Variants in ZFC3H1 observed in about 807,000 individuals in gnomAD.
ZFC3H1 encodes the protein zinc finger C3H1-type containing.
ZFC3H1 carries 71 observed loss-of-function variants against 243.7 expected under a neutral mutation model. That is an observed-to-expected ratio of 0.29 (90% CI 0.24 to 0.36). The LOEUF (loss-of-function observed/expected upper bound fraction) is 0.36, where lower values mean the gene tolerates loss of function less well. ZFC3H1 is among the 10% of genes least tolerant of loss of function. ZFC3H1 has a pLI of 1.00. For synonymous variants in ZFC3H1, 838 were observed against 813.0 expected, an observed-to-expected ratio of 1.03 and a Z score of -0.52; for missense variants, 1,966 against 2,317.1, an observed-to-expected ratio of 0.85 and a Z score of 3.11.
chr12:71,612,642 A>T (rs1317829714), intron 31 of ZFC3H1, among the ~76,000 whole-genome samples: 1 of 152,180 alleles, frequency 6.6e-6, no homozygotes, highest in Non-Finnish European at 1.5e-5. Context: ...AACATAAGGG[A>T]ACATTTCATA....
At position 71,625,648 on chromosome 12, in the gene ZFC3H1, C is replaced by G. The variant is rs146908244; in HGVS notation, c.4317+612G>C. Among the ~76,000 whole-genome samples, 51 of 152,308 alleles carry G rather than the reference C, an allele frequency of 3.3e-4. 1 individual carries two copies. The East Asian group carries it at 7.5e-3, about 22-fold the overall frequency. On this transcript the variant is annotated intron_variant, in intron 22 of 34. Transcript: ENST00000378743. ...GAGGCTGCAGTGAGTCACGACTGCA[C>G]TACTGCACTCCAGCCTGGGTGACAT...
chr12:71,643,570 A>T (rs1326518414), intron 5 of ZFC3H1, among the ~76,000 whole-genome samples: 1 of 151,872 alleles, frequency 6.6e-6, no homozygotes, highest in Non-Finnish European at 1.5e-5. Context: ...TTTTGGGTGG[A>T]GAGGGTAAAA....
chr12:71,657,887 G>A (rs920418730), intron 1 of ZFC3H1, among the ~76,000 whole-genome samples: 1 of 151,894 alleles, frequency 6.6e-6, no homozygotes, highest in East Asian at 1.9e-4. Flanking sequence ...TACTTGAGAC[G>A]CTGAGGCAAG....
At position 71,633,315 on chromosome 12, in the gene ZFC3H1, A is replaced by C; in HGVS notation, c.2634T>G (p.Thr878=). 1 of 1,593,630 alleles carries C rather than the reference A, an allele frequency of 6.3e-7. No homozygotes were observed. The highest frequency in any genetic ancestry group is 8.5e-7 in the Non-Finnish European group (1 of 1,173,272). Residue 878 remains threonine, a synonymous_variant, in exon 13 of 35, where the codon ACT becomes ACG. Transcript: ENST00000378743. The stretch of plus-strand genomic sequence containing the variant: ...TTCTGTTAACATTAAGAATTTTTTC[A>C]GTTGCTTGAAGCTGTTCTGTAAGTT... ...ITKLTEQLQA[T]EKILNVNRMF...
intron 6 of ZFC3H1, among the ~76,000 whole-genome samples, chr12:71,641,495 T>C (rs1880601984): frequency 6.6e-6 from 1 of 152,226 alleles, no homozygotes; most frequent in Admixed American, 6.5e-5. Flanking sequence ...TGCGTTCTGT[T>C]ATCTGCCTCA....
At chr12:71,628,332 A>G (rs1472260688) in intron 20 of ZFC3H1, among the ~76,000 whole-genome samples, 2 of 152,242 alleles carry the variant, frequency 1.3e-5, no homozygotes, top group Admixed American at 6.5e-5. Context: ...ATTCTACTAT[A>G]TCTAAACTAG....
rs773693473 is a variant in ZFC3H1, at chr12:71,622,565, C to T, written c.4744+795G>A. ...GTAACCTTCGCCTCCTGGGCTCAAG[C>T]GATTCTCATGCCTCAGCCTCCCGAG... On this transcript the variant is annotated intron_variant, in intron 24 of 34. Coordinates refer to ENST00000378743, the MANE Select transcript of ZFC3H1 (RefSeq NM_144982.5). 3.9e-5 allele frequency among the ~76,000 whole-genome samples: 6 copies of T among 152,158 alleles called. No individual in the cohort carries two copies. The East Asian group carries it at 5.8e-4, about 15-fold the overall frequency.
rs766416601 is a variant in ZFC3H1 at position 71,627,871 on chromosome 12, A to C, written c.4010T>G (p.Val1337Gly). The change falls in exon 21 of 35, where the codon GTC becomes GGC. Residue 1337 changes from valine (V) to glycine (G), a missense_variant. Val to Gly is a moderately radical substitution (Grantham distance 109). Transcript: ENST00000378743. ...ATCAGTCTCATTTGTAAAGTATCTG[A>C]CATCATCTGGAGTGACAACTGTATC... ...ALDTVVTPDD[V>G]RYFTNETDDI... 6.2e-7 allele frequency: 1 copy of C among 1,613,870 alleles called. No individual in the cohort carries two copies. Among genetic ancestry groups the C allele is most frequent in the Non-Finnish European group, 8.5e-7 (1 of 1,179,904 alleles).
At chr12:71,654,156 A>G (rs928495047) in intron 2 of ZFC3H1, among the ~76,000 whole-genome samples, 1 of 152,238 alleles carries the variant, frequency 6.6e-6, no homozygotes, top group African/African-American at 2.4e-5. Flanking sequence ...AATGTATTTA[A>G]GCACAGAGCA....
rs1881236328 is a variant in ZFC3H1 at position 71,663,237 on chromosome 12, G to C, written c.374C>G (p.Ser125Cys). 6.2e-7 allele frequency: 1 copy of C among 1,613,944 alleles called. No individual in the cohort carries two copies. The highest frequency in any genetic ancestry group is 8.5e-7 in the Non-Finnish European group (1 of 1,180,042). Residue 125 changes from serine (S) to cysteine (C), a missense_variant, in exon 1 of 35, where the codon TCC becomes TGC. Physicochemically the swap from Ser to Cys is moderately radical, Grantham distance 112. Around this residue, in one of 4 missense-constraint regions of ZFC3H1, gnomAD observed 484 missense variants for 449.7 expected, o/e 1.08. Coordinates refer to ENST00000378743, the MANE Select transcript of ZFC3H1 (RefSeq NM_144982.5). ...PSVRMPSSSL[S>C]ESSPRPSFWE... The stretch of plus-strand genomic sequence containing the variant: ...GAAAGACGGCCGGGGACTGCTTTCG[G>C]ACAGTGAGCTCGAAGGCATCCGTAC...
chr12:71,641,416 T>C (rs1004435478), intron 6 of ZFC3H1, among the ~76,000 whole-genome samples: 4 of 152,240 alleles, frequency 2.6e-5, no homozygotes, highest in Non-Finnish European at 4.4e-5. Context: ...TTGGTCTCAC[T>C]ATGTGACTAT....
intron 22 of ZFC3H1, among the ~76,000 whole-genome samples, chr12:71,625,990 AT>A (rs1880155342): frequency 6.6e-6 from 1 of 152,126 alleles, no homozygotes; most frequent in South Asian, 2.1e-4. Flanking sequence ...TAAGTGTGAA[AT>A]TTTTAACAAT....
At chr12:71,635,785 A>C (rs545881453) in intron 9 of ZFC3H1, among the ~76,000 whole-genome samples, 2 of 152,308 alleles carry the variant, frequency 1.3e-5, no homozygotes, top group South Asian at 4.1e-4. Flanking sequence ...TTTCTATTCT[A>C]TAATTACTCT....
intron 2 of ZFC3H1, among the ~76,000 whole-genome samples, chr12:71,655,923 T>C (rs1881005930): frequency 6.6e-6 from 1 of 152,056 alleles, no homozygotes; most frequent in Admixed American, 6.5e-5. Flanking sequence ...CAAACATAAT[T>C]GGGAAATGGA....
At chr12:71,619,263 C>G in intron 27 of ZFC3H1, 52 bp downstream of exon 27, 1 of 1,517,450 alleles carries the variant, frequency 6.6e-7, no homozygotes, top group Non-Finnish European at 9.0e-7. Context: ...AATCTTTCTA[C>G]TGAACTGTGC....
intron 27 of ZFC3H1, among the ~76,000 whole-genome samples, chr12:71,618,620 A>G (rs904582618): frequency 6.6e-6 from 1 of 151,736 alleles, no homozygotes; most frequent in African/African-American, 2.4e-5. Context: ...GTGGTAATAG[A>G]CTACATGGCC....
At chr12:71,641,913 G>A (rs1880611069) in intron 6 of ZFC3H1, among the ~76,000 whole-genome samples, 3 of 152,082 alleles carry the variant, frequency 2.0e-5, no homozygotes. Flanking sequence ...GCAGTGGTAC[G>A]ACGTCAGCTC....
chr12:71,628,314 T>C (rs1349465648), intron 20 of ZFC3H1, among the ~76,000 whole-genome samples: 1 of 152,250 alleles, frequency 6.6e-6, no homozygotes, highest in Admixed American at 6.5e-5. Flanking sequence ...TCATAATTTA[T>C]AAAGATTATT....
At chr12:71,629,189 C>G (rs1880250203) in intron 19 of ZFC3H1, 152 bp from the exon 20 acceptor site, 1 of 705,476 alleles carries the variant, frequency 1.4e-6, no homozygotes. Flanking sequence ...GGAAGTCTCA[C>G]TCTGTCACCC....
Sources: allele counts gnomAD v4.1 joint callset (sites outside exome capture counted in the v4.1 genomes callset), GRCh38; gene constraint gnomAD v4.1.1; regional missense constraint gnomAD v4.1.1; transcripts MANE v1.5; gene names NCBI Gene and HGNC (gene_info 2026-07-23, HGNC 2026-07-21).